Variants in TLE4 observed in about 807,000 individuals in gnomAD.
TLE4 encodes transducin-like enhancer protein 4.
A neutral mutation model predicts 92.8 loss-of-function variants in TLE4; 8 were observed. The ratio of observed to expected loss-of-function variants is 0.09; its 90% CI spans 0.05 to 0.16. The LOEUF (loss-of-function observed/expected upper bound fraction) is 0.16. TLE4 is among the 10% of genes least tolerant of loss of function. TLE4 has a pLI of 1.00. For missense variants in TLE4, 675 were observed against 997.6 expected, an observed-to-expected ratio of 0.68 and a Z score of 4.36; for synonymous variants, 371 against 374.1, an observed-to-expected ratio of 0.99 and a Z score of 0.10.
intron 6 of TLE4, among the ~76,000 whole-genome samples, chr9:79,646,743 A>G (rs2058162578): frequency 6.6e-6 from 1 of 152,156 alleles, no homozygotes; most frequent in African/African-American, 2.4e-5. Context: ...GCCTACTGTA[A>G]TATTTTAATA....
intron 6 of TLE4, among the ~76,000 whole-genome samples, chr9:79,648,666 C>A (rs768276703): frequency 2.6e-5 from 4 of 152,120 alleles, no homozygotes; most frequent in Non-Finnish European, 5.9e-5. Context: ...TGGTGAGTAT[C>A]GTGACAAGTA....
intron 8 of TLE4, among the ~76,000 whole-genome samples, chr9:79,667,854 A>G (rs1368600548): frequency 6.6e-6 from 1 of 152,216 alleles, no homozygotes; most frequent in Admixed American, 6.5e-5. Flanking sequence ...CTTAAACTAA[A>G]GATTATCACT....
At chr9:79,598,088 A>C (rs996254422) in intron 4 of TLE4, among the ~76,000 whole-genome samples, 9 of 150,324 alleles carry the variant, frequency 6.0e-5, no homozygotes, top group East Asian at 2.0e-4. Flanking sequence ...AAAAAAAAAA[A>C]AAAAAAAAAA....
chr9:79,599,833 G>A (rs1205023055), intron 4 of TLE4, among the ~76,000 whole-genome samples: 1 of 152,054 alleles, frequency 6.6e-6, no homozygotes, highest in Non-Finnish European at 1.5e-5. Flanking sequence ...ATCCAAATCA[G>A]ACCCACCTCC....
chr9:79,670,406 A>G (rs1376182009), intron 8 of TLE4, among the ~76,000 whole-genome samples: 1 of 152,188 alleles, frequency 6.6e-6, no homozygotes, highest in African/African-American at 2.4e-5. Flanking sequence ...AAAGATTGGT[A>G]CACTGCACCC....
At chr9:79,626,606 G>A (rs2052676673) in intron 5 of TLE4, among the ~76,000 whole-genome samples, 1 of 152,182 alleles carries the variant, frequency 6.6e-6, no homozygotes, top group African/African-American at 2.4e-5. Context: ...CCCCTATACA[G>A]AGACTTCCAT....
intron 8 of TLE4, among the ~76,000 whole-genome samples, chr9:79,669,744 ATCTAG>A (rs72360590): frequency 0.033 from 5,016 of 152,264 alleles, 116 homozygotes; most frequent in East Asian, 0.087. Flanking sequence ...ATGTGACCAA[ATCTAG>A]GAAAGAATAG....
rs533886864 is a variant in TLE4 at position 79,593,503 on chromosome 9, A to G, written c.252+17326A>G. Among the ~76,000 whole-genome samples the G allele has an allele frequency of 6.6e-5, 10 of 152,344 alleles. No individual in the cohort carries two copies. In the South Asian group the frequency reaches 1.9e-3, roughly 28 times the overall value. On this transcript the variant is annotated intron_variant, in intron 4 of 19. Coordinates refer to ENST00000376552, the MANE Select transcript of TLE4 (RefSeq NM_007005.6). ...CTTGGAAACTCTAAACAGTCAGAACACAGTGATTGTCCTTGTTCATGGACT... is the reference window on the plus strand; with the variant it reads ...CTTGGAAACTCTAAACAGTCAGAACGCAGTGATTGTCCTTGTTCATGGACT...
chr9:79,609,572 A>C (rs1242163891), intron 4 of TLE4, among the ~76,000 whole-genome samples: 8 of 152,106 alleles, frequency 5.3e-5, no homozygotes, highest in Non-Finnish European at 1.2e-4. Context: ...GGAATTGTCA[A>C]AAATTGTTAA....
At chr9:79,630,579 T>C (rs985476961) in intron 6 of TLE4, among the ~76,000 whole-genome samples, 26 of 152,306 alleles carry the variant, frequency 1.7e-4, no homozygotes, top group African/African-American at 6.3e-4. Context: ...TCTAGTTTGA[T>C]TTTGTCATGT....
intron 6 of TLE4, among the ~76,000 whole-genome samples, chr9:79,638,192 G>A (rs1455396665): frequency 6.6e-6 from 1 of 152,078 alleles, no homozygotes; most frequent in East Asian, 1.9e-4. Context: ...CCATAAAGGG[G>A]CCCCCACCAG....
chr9:79,672,048 G>A lies in TLE4; in HGVS notation c.609+17973G>A, dbSNP rs958862661. 2.1e-5 allele frequency among the ~76,000 whole-genome samples: 3 copies of A among 140,514 alleles called. No individual in the cohort carries two copies. In the Admixed American group the frequency reaches 2.2e-4, roughly 10 times the overall value. The allele number at this position is 140,514 out of a possible 152,430, so 92.2% of individuals were successfully genotyped here. On this transcript the variant is annotated intron_variant, in intron 8 of 19. Transcript: ENST00000376552. ...TTGCAGAGGTGGTGGTGGGGGAGGGGGGATGCCCTTTCAGTGATTAGTGCC... is the reference window on the plus strand; with the variant it reads ...TTGCAGAGGTGGTGGTGGGGGAGGGAGGATGCCCTTTCAGTGATTAGTGCC...
chr9:79,723,803 C>T (rs188145439), intron 19 of TLE4, among the ~76,000 whole-genome samples: 4 of 152,248 alleles, frequency 2.6e-5, no homozygotes, highest in African/African-American at 4.8e-5. Context: ...GGACAAAAAA[C>T]GCCAATTGTT....
At chr9:79,609,778 G>A (rs553201605) in intron 4 of TLE4, among the ~76,000 whole-genome samples, 1 of 151,956 alleles carries the variant, frequency 6.6e-6, no homozygotes, top group African/African-American at 2.4e-5. Flanking sequence ...CAGAATCCCT[G>A]CCTGTTTAAA....
rs143968296 is a variant in TLE4, at chr9:79,598,659, A to G, written c.253-13997A>G. ...TTTTTTTCAGACTATAATGCAGTAT[A>G]TGGCAGAGTAGCAGACAATAATCGA... On this transcript the variant is annotated intron_variant, in intron 4 of 19. Transcript: ENST00000376552. Among the ~76,000 whole-genome samples, 76 of 152,288 alleles carry G rather than the reference A, an allele frequency of 5.0e-4. No individual in the cohort carries two copies. In the East Asian group the frequency reaches 0.014, roughly 29 times the overall value.
At chr9:79,625,495 C>A (rs778483923) in intron 5 of TLE4, among the ~76,000 whole-genome samples, 145 of 152,108 alleles carry the variant, frequency 9.5e-4, no homozygotes, top group Non-Finnish European at 1.9e-3. Flanking sequence ...CCGGTGTCTA[C>A]ACTAACTGAT....
intron 5 of TLE4, among the ~76,000 whole-genome samples, chr9:79,620,992 C>T (rs2050819004): frequency 6.6e-6 from 1 of 152,196 alleles, no homozygotes; most frequent in Admixed American, 6.5e-5. Flanking sequence ...GATTCACCCC[C>T]ATGACCCAGA....
chr9:79,666,217 G>GTTTTGT (rs2061385653), intron 8 of TLE4, among the ~76,000 whole-genome samples: 1 of 65,646 alleles, frequency 1.5e-5, no homozygotes, highest in Non-Finnish European at 3.5e-5. Context: ...TTTTTTTTTT[G>GTTTTGT]TTTTTTTTTT....
intron 8 of TLE4, among the ~76,000 whole-genome samples, chr9:79,664,848 A>G (rs552189197): frequency 1.3e-5 from 2 of 151,752 alleles, no homozygotes; most frequent in Admixed American, 6.6e-5. Flanking sequence ...GTCATTTTCA[A>G]TTCCCTTCTC....
Sources: allele counts gnomAD v4.1 joint callset (sites outside exome capture counted in the v4.1 genomes callset), GRCh38; gene constraint gnomAD v4.1.1; transcripts MANE v1.5; gene names NCBI Gene and HGNC (gene_info 2026-07-23, HGNC 2026-07-21).